Variants in PDE4D observed in about 807,000 individuals in gnomAD.
PDE4D encodes 3',5'-cyclic-AMP phosphodiesterase 4D.
Under a neutral mutation model 87.4 loss-of-function variants are expected in PDE4D, and 24 were observed. The observed-to-expected ratio is 0.27, with a 90% CI of 0.20 to 0.39. The LOEUF is 0.39. Among genes scored for constraint, PDE4D ranks in the 10% least tolerant of loss-of-function variants. PDE4D has a pLI of 1.00. For synonymous variants in PDE4D, 384 were observed against 383.2 expected (o/e 1.00, Z -0.02); for missense variants, 714 against 1,041.0 (o/e 0.69, Z 4.32).
At chr5:59,881,618 C>T (rs1214314955) in intron 1 of PDE4D, among the ~76,000 whole-genome samples, 2 of 152,118 alleles carry the variant, frequency 1.3e-5, no homozygotes, top group Non-Finnish European at 2.9e-5. Flanking sequence ...ATATTCCTAA[C>T]TTCATAAAAT....
intron 2 of PDE4D, among the ~76,000 whole-genome samples, chr5:60,057,085 T>TGA (rs1446677397): frequency 6.6e-6 from 1 of 152,072 alleles, no homozygotes; most frequent in Admixed American, 6.6e-5. Flanking sequence ...AGTCTTGAGT[T>TGA]CTTCTATTGG....
chr5:59,348,070 C>T (rs182663258), intron 1 of PDE4D, among the ~76,000 whole-genome samples: 1 of 151,940 alleles, frequency 6.6e-6, no homozygotes, highest in Non-Finnish European at 1.5e-5. Context: ...AAGCAGAGAC[C>T]GCATCCATTT....
At chr5:60,116,830 C>G (rs1218138306) in intron 2 of PDE4D, among the ~76,000 whole-genome samples, 1 of 152,036 alleles carries the variant, frequency 6.6e-6, no homozygotes, top group Non-Finnish European at 1.5e-5. Context: ...TTGCATCTAT[C>G]ATGTTAATAA....
At chr5:59,442,180 G>C (rs1159290436) in intron 1 of PDE4D, among the ~76,000 whole-genome samples, 1 of 152,210 alleles carries the variant, frequency 6.6e-6, no homozygotes, top group African/African-American at 2.4e-5. Context: ...CTTTGTGAGA[G>C]AGAAGTAAAA....
chr5:59,458,708 C>T (rs942073986), intron 1 of PDE4D, among the ~76,000 whole-genome samples: 1 of 152,222 alleles, frequency 6.6e-6, no homozygotes, highest in Admixed American at 6.5e-5. Context: ...GGTAAATCCT[C>T]AATCTCTCCT....
chr5:59,677,818 G>C (rs1316609805), intron 1 of PDE4D, among the ~76,000 whole-genome samples: 1 of 152,134 alleles, frequency 6.6e-6, no homozygotes, highest in African/African-American at 2.4e-5. Flanking sequence ...GCCCCTCCTA[G>C]GTGTGACCCA....
chr5:60,138,650 TAA>T (rs958062039), intron 2 of PDE4D, among the ~76,000 whole-genome samples: 15 of 152,198 alleles, frequency 9.9e-5, no homozygotes, highest in South Asian at 4.1e-4. Context: ...TCACTGAACT[TAA>T]GTGTGTGTGT....
chr5:59,362,710 G>A (rs566817450), intron 1 of PDE4D, among the ~76,000 whole-genome samples: 2 of 152,248 alleles, frequency 1.3e-5, no homozygotes, highest in South Asian at 4.2e-4. Flanking sequence ...TGTTGGCCAC[G>A]TACCAAATAA....
intron 1 of PDE4D, among the ~76,000 whole-genome samples, chr5:59,860,343 T>A (rs1016290459): frequency 2.6e-5 from 4 of 152,198 alleles, no homozygotes; most frequent in Non-Finnish European, 5.9e-5. Flanking sequence ...TGGATGTAAT[T>A]AAGAGCACTT....
chr5:59,893,094 G>A, intron 1 of PDE4D, 74 bp downstream of exon 1: 1 of 1,429,008 alleles, frequency 7.0e-7, no homozygotes, highest in Admixed American at 2.4e-5. Context: ...GTGATAAGCC[G>A]ACTTAGATGG....
intron 1 of PDE4D, among the ~76,000 whole-genome samples, chr5:60,328,901 G>A: frequency 6.6e-6 from 1 of 152,112 alleles, no homozygotes; most frequent in Admixed American, 6.5e-5. Flanking sequence ...CTTTCTGCCA[G>A]GAGAAAAGAA....
intron 1 of PDE4D, among the ~76,000 whole-genome samples, chr5:59,375,252 C>CT (rs951333256): frequency 1.3e-4 from 19 of 151,716 alleles, no homozygotes; most frequent in African/African-American, 4.6e-4. Flanking sequence ...AGGAGTTGTT[C>CT]TTTTTTTGAA....
intron 1 of PDE4D, among the ~76,000 whole-genome samples, chr5:59,762,596 A>G: frequency 6.9e-6 from 1 of 145,830 alleles, no homozygotes; most frequent in East Asian, 2.0e-4. Context: ...ACATATGTGT[A>G]TATGTGTATA....
rs539782368 is a variant in PDE4D, at chr5:59,679,891, T to C, written c.455+213277A>G. On this transcript the variant is annotated intron_variant, in intron 1 of 14. Transcript: ENST00000340635. ...ACAAAGACCCTAATGAAAAGTCTTA[T>C]AATTAATTATAGAAAGATAATTTTC... Among the ~76,000 whole-genome samples, 35 of 152,126 alleles carry C rather than the reference T, an allele frequency of 2.3e-4. 1 individual carries two copies. Among genetic ancestry groups the C allele is most frequent in the Admixed American group, 2.0e-3 (31 of 15,280 alleles).
rs183930749 is a variant in PDE4D, at chr5:59,694,313, C to T, written c.455+198855G>A. 2.6e-3 allele frequency among the ~76,000 whole-genome samples: 403 copies of T among 152,244 alleles called. 4 individuals are homozygous for T. The highest frequency in any genetic ancestry group is 0.024 in the South Asian group (116 of 4,822). On this transcript the variant is annotated intron_variant, in intron 1 of 14. Transcript: ENST00000340635. Reference sequence around the variant, plus strand: ...AGTTATACACCAGGTTGGCCGTCTTCGCTGGGAAGATGGTTAGGTCAGCTT... The same window carrying T: ...AGTTATACACCAGGTTGGCCGTCTTTGCTGGGAAGATGGTTAGGTCAGCTT...
At chr5:59,809,666 C>T (rs887626394) in intron 1 of PDE4D, among the ~76,000 whole-genome samples, 1 of 152,142 alleles carries the variant, frequency 6.6e-6, no homozygotes, top group Non-Finnish European at 1.5e-5. Flanking sequence ...AGGCGGAGCT[C>T]AAGTTGGATT....
chr5:59,230,845 C>T (rs1755011943), intron 1 of PDE4D, among the ~76,000 whole-genome samples: 1 of 152,076 alleles, frequency 6.6e-6, no homozygotes, highest in East Asian at 1.9e-4. Context: ...GAATGAATGG[C>T]GAAGGGCTTC....
At chr5:59,175,481 T>C (rs969159406) in intron 5 of PDE4D, among the ~76,000 whole-genome samples, 5 of 131,060 alleles carry the variant, frequency 3.8e-5, no homozygotes, top group Admixed American at 7.7e-5. Flanking sequence ...CTTTTTTTTT[T>C]TTTTTTTTTT....
chr5:59,310,191 A>AT (rs956525816), intron 1 of PDE4D, among the ~76,000 whole-genome samples: 4 of 152,126 alleles, frequency 2.6e-5, no homozygotes, highest in African/African-American at 9.7e-5. Context: ...GGAGACCTTC[A>AT]TTTCCTTAAC....
Sources: allele counts gnomAD v4.1 joint callset (sites outside exome capture counted in the v4.1 genomes callset), GRCh38; gene constraint gnomAD v4.1.1; transcripts MANE v1.5; gene names NCBI Gene and HGNC (gene_info 2026-07-23, HGNC 2026-07-21).